The following MLPH variants were observed in gnomAD, a reference collection of about 807,000 sequenced individuals.
The protein encoded by MLPH is exophilin-3.
In MLPH, 51 loss-of-function variants were observed where a neutral mutation model predicts 72.1. That is an observed-to-expected ratio of 0.71 (90% CI 0.56 to 0.89). MLPH has a LOEUF of 0.89. MLPH is among the 40% of genes least tolerant of loss of function. The pLI, the probability that MLPH is intolerant of heterozygous loss-of-function variation, is 0.00. For synonymous variants in MLPH, 301 were observed against 310.1 expected (o/e 0.97, Z 0.31); for missense variants, 743 against 759.9 (o/e 0.98, Z 0.26).
At chr2:237,542,172 G>C (rs2080703084) in intron 11 of MLPH, among the ~76,000 whole-genome samples, 1 of 152,140 alleles carries the variant, frequency 6.6e-6, no homozygotes. Flanking sequence ...CCTAAGACGG[G>C]AGGGGTGGAA....
At chr2:237,534,504 T>G (rs1184062942) in intron 8 of MLPH, 60 bp from the exon 9 acceptor site, 2 of 1,388,692 alleles carry the variant, frequency 1.4e-6, no homozygotes, top group African/African-American at 2.9e-5. Context: ...TGGGTGCCAG[T>G]GTCTTGCTGG....
intron 4 of MLPH, among the ~76,000 whole-genome samples, chr2:237,514,055 G>A (rs1447570301): frequency 1.3e-5 from 2 of 152,086 alleles, no homozygotes; most frequent in Non-Finnish European, 2.9e-5. Context: ...TTATGCTTAG[G>A]TTCAAGAAAG....
chr2:237,510,815 T>C lies in MLPH; in HGVS notation c.332+20T>C. ...GGCCAGGTGAGCCCAGGCCTTGAGGTAAAATGACCTTGATAGTTTCTGGAT... is the reference window on the plus strand; with the variant it reads ...GGCCAGGTGAGCCCAGGCCTTGAGGCAAAATGACCTTGATAGTTTCTGGAT... On this transcript the variant is annotated intron_variant, in intron 3 of 15. Coordinates refer to ENST00000264605, the MANE Select transcript of MLPH (RefSeq NM_024101.7). The surrounding 1 kb of genome is among the most constrained non-coding windows in gnomAD (Gnocchi z 4.4). The C allele has an allele frequency of 6.2e-7, 1 of 1,612,406 alleles. No homozygotes were observed. The highest frequency in any genetic ancestry group is 8.5e-7 in the Non-Finnish European group (1 of 1,179,590).
At chr2:237,507,521 T>G (rs2079803612) in intron 2 of MLPH, 1 of 152,234 alleles carries the variant, frequency 6.6e-6, no homozygotes, top group Non-Finnish European at 1.5e-5. Flanking sequence ...GCATTAATCA[T>G]TTGGAAGACA....
Position 237,510,016 on chromosome 2 carries a change from G to T in MLPH, c.111-558G>T, listed in dbSNP as rs879489418. On this transcript the variant is annotated intron_variant, in intron 2 of 15. Coordinates refer to ENST00000264605, the MANE Select transcript of MLPH (RefSeq NM_024101.7). This position sits in a 1 kb window ranked among gnomAD's most constrained non-coding sequence, Gnocchi z 4.4. ...TACACTTTCCAATCAGTTCAACTTG[G>T]CAGGTTCACCAGGAAGCTGTGTTAT... The T allele has an allele frequency of 4.8e-5, 8 of 166,730 alleles. No individual in the cohort carries two copies. The highest frequency in any genetic ancestry group is 4.4e-4 in the Admixed American group (8 of 18,176). 10.3% of individuals were successfully genotyped at this position (166,730 alleles called of 1,614,324 possible).
chr2:237,545,369 G>T (rs147230126), intron 12 of MLPH: 4 of 1,092,142 alleles, frequency 3.7e-6, no homozygotes, highest in Non-Finnish European at 4.8e-6. Context: ...GTGAACATCC[G>T]GCCTGAGTTT....
intron 11 of MLPH, among the ~76,000 whole-genome samples, chr2:237,542,123 A>G (rs1161287595): frequency 6.6e-6 from 1 of 151,944 alleles, no homozygotes; most frequent in African/African-American, 2.4e-5. Context: ...CCTGCTTCTA[A>G]TTTCCAGAAG....
In MLPH at chr2:237,540,934, G is replaced by C; in HGVS notation, c.1423G>C (p.Glu475Gln). The change falls in exon 11 of 16, where the codon GAA (glutamate) becomes CAA (glutamine). Residue 475 changes from glutamate (E) to glutamine (Q), a missense_variant. Coordinates refer to ENST00000264605, the MANE Select transcript of MLPH (RefSeq NM_024101.7). ...GGACAGAGTGGCAGTGACGGCCTCA[G>C]AAGTCCAGCAGGCAGAGAGCGAGGT... ...LEDRVAVTAS[E>Q]VQQAESEVSD... 1 of 1,609,084 alleles carries C rather than the reference G, an allele frequency of 6.2e-7. No homozygotes were observed. Among genetic ancestry groups the C allele is most frequent in the Non-Finnish European group, 8.5e-7 (1 of 1,178,252 alleles).
intron 10 of MLPH, 122 bp downstream of exon 10, chr2:237,540,655 T>A (rs1438441156): frequency 6.7e-7 from 1 of 1,496,106 alleles, no homozygotes; most frequent in Non-Finnish European, 9.1e-7. Context: ...CCAAGGGCCC[T>A]TGATGGGGTC....
intron 14 of MLPH, among the ~76,000 whole-genome samples, chr2:237,551,275 A>G (rs1009029166): frequency 3.3e-5 from 5 of 152,262 alleles, no homozygotes; most frequent in African/African-American, 1.2e-4. Flanking sequence ...AGGCCAGGCC[A>G]CATGACCCTG....
At chr2:237,489,210 G>A (rs2079380536) in intron 1 of MLPH, among the ~76,000 whole-genome samples, 1 of 152,250 alleles carries the variant, frequency 6.6e-6, no homozygotes, top group Admixed American at 6.5e-5. Flanking sequence ...TTGCGGTAGA[G>A]ACTAGCACTG....
chr2:237,500,833 G>A (rs560550325), intron 2 of MLPH, among the ~76,000 whole-genome samples: 8 of 151,882 alleles, frequency 5.3e-5, no homozygotes, highest in Non-Finnish European at 1.0e-4. Flanking sequence ...ACTGCTCACC[G>A]CCCTCAATGC....
chr2:237,544,478 G>A (rs1191737459), intron 12 of MLPH, among the ~76,000 whole-genome samples: 9 of 48,236 alleles, frequency 1.9e-4, no homozygotes, highest in South Asian at 8.5e-4. Context: ...TGGGGACAGT[G>A]GTGAGTGGGG....
chr2:237,510,936 A>G lies in MLPH; in HGVS notation c.333-53A>G. ...GTGTGTGTGTGTGTGAGATTTATGCAGGCCTGTGTACAGCACTCAGGCAGT... is the reference window on the plus strand; with the variant it reads ...GTGTGTGTGTGTGTGAGATTTATGCGGGCCTGTGTACAGCACTCAGGCAGT... On this transcript the variant is annotated intron_variant, in intron 3 of 15. Coordinates refer to ENST00000264605, the MANE Select transcript of MLPH (RefSeq NM_024101.7). This position sits in a 1 kb window ranked among gnomAD's most constrained non-coding sequence, Gnocchi z 4.4. The G allele has an allele frequency of 6.5e-7, 1 of 1,529,952 alleles. No homozygotes were observed. The allele number at this position is 1,529,952 out of a possible 1,614,324, so 94.8% of individuals were successfully genotyped here. A position where few individuals can be genotyped will look rare whatever the true frequency, so the allele number is the denominator to read the frequency against.
intron 8 of MLPH, among the ~76,000 whole-genome samples, chr2:237,533,183 T>C (rs1451125379): frequency 1.3e-5 from 2 of 152,190 alleles, no homozygotes; most frequent in African/African-American, 4.8e-5. Flanking sequence ...CCCACCCACG[T>C]TAGACTCTTC....
chr2:237,551,261 C>T (rs73999115), intron 14 of MLPH, among the ~76,000 whole-genome samples: 2,587 of 152,318 alleles, frequency 0.017, 82 homozygotes, highest in African/African-American at 0.06. Flanking sequence ...GACGGAGGGC[C>T]GGCAGGCCAG....
At chr2:237,514,799 T>C (rs6740834) in intron 4 of MLPH, among the ~76,000 whole-genome samples, 37,389 of 152,112 alleles carry the variant, frequency 0.25, 6,609 homozygotes, top group African/African-American at 0.5. Flanking sequence ...AAATGTACCA[T>C]GCTGCCTCCC....
chr2:237,529,389 T>TGTTAACA (rs1411139170), intron 8 of MLPH, among the ~76,000 whole-genome samples: 3 of 152,218 alleles, frequency 2.0e-5, no homozygotes, highest in Admixed American at 1.3e-4. Context: ...CTCATAATAC[T>TGTTAACA]TAACACCTGT....
At chr2:237,501,979 T>G (rs1329302228) in intron 2 of MLPH, among the ~76,000 whole-genome samples, 1 of 152,322 alleles carries the variant, frequency 6.6e-6, no homozygotes, top group East Asian at 1.9e-4. Flanking sequence ...TCTTTTCAGC[T>G]CTGTTTTTTT....
Sources: gnomAD v4.1 joint callset for allele counts (sites outside exome capture counted in the v4.1 genomes callset) on GRCh38, gnomAD v4.1.1 for gene constraint, Gnocchi (gnomAD v3.1) non-coding constraint, MANE v1.5 for transcripts, NCBI Gene and HGNC (gene_info 2026-07-23, HGNC 2026-07-21) for gene names.